Variants in THSD7B observed in about 807,000 individuals in gnomAD.
The protein encoded by THSD7B is thrombospondin type-1 domain-containing protein 7B.
A neutral mutation model predicts 213.6 loss-of-function variants in THSD7B; 138 were observed. The ratio of observed to expected loss-of-function variants is 0.65; its 90% CI spans 0.56 to 0.74. THSD7B has a LOEUF of 0.74. THSD7B is among the 30% of genes least tolerant of loss of function. The pLI is 0.00. For missense variants in THSD7B, 1,931 were observed against 1,991.5 expected (o/e 0.97, Z 0.58); for synonymous variants, 742 against 687.0 (o/e 1.08, Z -1.25).
chr2:137,352,852 CTT>C (rs907016182), intron 12 of THSD7B, among the ~76,000 whole-genome samples: 7 of 151,856 alleles, frequency 4.6e-5, no homozygotes, highest in African/African-American at 1.7e-4. Flanking sequence ...ATAAATTCCT[CTT>C]TTTAAAGCAG....
At chr2:137,041,554 C>T (rs1385786338) in intron 2 of THSD7B, among the ~76,000 whole-genome samples, 3 of 150,204 alleles carry the variant, frequency 2.0e-5, no homozygotes, top group Non-Finnish European at 4.4e-5. Context: ...ATATAAAATA[C>T]ATAACACATA....
At chr2:137,122,521 C>T (rs1688563121) in intron 5 of THSD7B, among the ~76,000 whole-genome samples, 1 of 152,096 alleles carries the variant, frequency 6.6e-6, no homozygotes, top group Non-Finnish European at 1.5e-5. Flanking sequence ...TTCAGTAAAA[C>T]TGGTAATCAA....
intron 4 of THSD7B, among the ~76,000 whole-genome samples, chr2:137,112,434 G>A (rs550068760): frequency 6.6e-6 from 1 of 151,666 alleles, no homozygotes. Context: ...ATGGAACTTG[G>A]GTGTTTTTGG....
chr2:137,417,427 C>CATTTT (rs897170151), intron 14 of THSD7B, among the ~76,000 whole-genome samples: 1 of 151,500 alleles, frequency 6.6e-6, no homozygotes, highest in African/African-American at 2.4e-5. Flanking sequence ...CAAAATTAAC[C>CATTTT]ATTTTATTTT....
intron 3 of THSD7B, among the ~76,000 whole-genome samples, chr2:137,059,584 C>T (rs1171702552): frequency 2.0e-5 from 3 of 152,082 alleles, no homozygotes; most frequent in Admixed American, 2.0e-4. Context: ...TACTGACTGT[C>T]CCCAAAGTTT....
intron 5 of THSD7B, among the ~76,000 whole-genome samples, chr2:137,131,679 C>A (rs1373391047): frequency 6.6e-6 from 1 of 152,156 alleles, no homozygotes; most frequent in Non-Finnish European, 1.5e-5. Flanking sequence ...TGTCAAATAT[C>A]AGATAGTTGT....
At chr2:136,866,655 T>C (rs1683337911) in intron 1 of THSD7B, among the ~76,000 whole-genome samples, 1 of 152,234 alleles carries the variant, frequency 6.6e-6, no homozygotes. Context: ...TGAAAACATT[T>C]GTTTGGTATT....
intron 15 of THSD7B, among the ~76,000 whole-genome samples, chr2:137,537,274 A>G (rs1200136631): frequency 2.0e-5 from 3 of 151,830 alleles, no homozygotes; most frequent in Non-Finnish European, 4.4e-5. Flanking sequence ...TATGTCTACT[A>G]CATATGAAGC....
intron 1 of THSD7B, among the ~76,000 whole-genome samples, chr2:136,805,321 A>G (rs574974150): frequency 6.6e-5 from 10 of 152,302 alleles, no homozygotes; most frequent in African/African-American, 2.4e-4. Context: ...CCACAGTTCA[A>G]TCTGTCTGTG....
At chr2:137,103,131 C>G (rs1009802692) in intron 4 of THSD7B, among the ~76,000 whole-genome samples, 1 of 152,064 alleles carries the variant, frequency 6.6e-6, no homozygotes, top group African/African-American at 2.4e-5. Flanking sequence ...TGAGGGCAGC[C>G]GGAGAGAAAG....
chr2:136,774,812 CAT>C (rs1453257964), intron 1 of THSD7B, among the ~76,000 whole-genome samples: 5 of 152,110 alleles, frequency 3.3e-5, no homozygotes, highest in Non-Finnish European at 7.4e-5. Flanking sequence ...GGAATAAAAA[CAT>C]AATGCTTGTG....
At chr2:137,337,243 A>AT (rs1684657713) in intron 12 of THSD7B, among the ~76,000 whole-genome samples, 1 of 152,052 alleles carries the variant, frequency 6.6e-6, no homozygotes, top group Non-Finnish European at 1.5e-5. Flanking sequence ...TCACTCCAGA[A>AT]TCCCACATTG....
At chr2:137,446,810 T>C (rs909170565) in intron 14 of THSD7B, among the ~76,000 whole-genome samples, 4 of 152,064 alleles carry the variant, frequency 2.6e-5, no homozygotes, top group Admixed American at 6.5e-5. Context: ...TGAAATATTA[T>C]GTAGATGGGA....
At chr2:137,417,648 G>A (rs180965470) in intron 14 of THSD7B, among the ~76,000 whole-genome samples, 302 of 151,912 alleles carry the variant, frequency 2.0e-3, no homozygotes, top group African/African-American at 6.5e-3. Flanking sequence ...GCTCACGCTG[G>A]TCTCAAACTC....
chr2:137,086,412 C>T (rs1243776854), intron 3 of THSD7B, among the ~76,000 whole-genome samples: 2 of 152,080 alleles, frequency 1.3e-5, no homozygotes, highest in Non-Finnish European at 2.9e-5. Flanking sequence ...TTTCTATCTG[C>T]CCACACCCCT....
At chr2:137,539,630 C>T (rs1454485197) in intron 15 of THSD7B, among the ~76,000 whole-genome samples, 1 of 151,696 alleles carries the variant, frequency 6.6e-6, no homozygotes, top group Non-Finnish European at 1.5e-5. Flanking sequence ...ATATTCACAT[C>T]ATAATCTCAT....
chr2:137,129,641 A>G (rs1233905700), intron 5 of THSD7B, among the ~76,000 whole-genome samples: 3 of 151,840 alleles, frequency 2.0e-5, no homozygotes, highest in African/African-American at 2.4e-5. Context: ...GGATCTCTCT[A>G]TGTTGCCCAG....
At chr2:137,582,647 C>T (rs1681607533) in intron 17 of THSD7B, among the ~76,000 whole-genome samples, 1 of 152,080 alleles carries the variant, frequency 6.6e-6, no homozygotes, top group African/African-American at 2.4e-5. Flanking sequence ...GCTTCATCCA[C>T]ATCCCTACAA....
chr2:137,357,706 C>T (rs1685165459), intron 12 of THSD7B, among the ~76,000 whole-genome samples: 1 of 152,132 alleles, frequency 6.6e-6, no homozygotes, highest in Non-Finnish European at 1.5e-5. Flanking sequence ...CAATGCATGA[C>T]CAGTTCTCCT....
Sources: gnomAD v4.1 joint callset for allele counts (sites outside exome capture counted in the v4.1 genomes callset) on GRCh38, gnomAD v4.1.1 for gene constraint, MANE v1.5 for transcripts, NCBI Gene and HGNC (gene_info 2026-07-23, HGNC 2026-07-21) for gene names.